Variants in AUH observed in about 807,000 individuals in gnomAD.
AUH encodes the protein methylglutaconyl-CoA hydratase, mitochondrial.
AUH carries 29 observed loss-of-function variants against 42.3 expected under a neutral mutation model. The ratio of observed to expected loss-of-function variants is 0.69; its 90% CI spans 0.51 to 0.93. The LOEUF (loss-of-function observed/expected upper bound fraction) is 0.93. Ranked by LOEUF, AUH falls within the 40% of genes least tolerant of loss-of-function variation. The pLI is 0.00. For synonymous variants in AUH, 174 were observed against 166.4 expected, an observed-to-expected ratio of 1.05 and a Z score of -0.35; for missense variants, 452 against 438.1, an observed-to-expected ratio of 1.03 and a Z score of -0.28.
At chr9:91,337,066 CAT>C (rs1830749677) in intron 3 of AUH, among the ~76,000 whole-genome samples, 1 of 152,158 alleles carries the variant, frequency 6.6e-6, no homozygotes, top group Admixed American at 6.5e-5. Flanking sequence ...ATATAAACAT[CAT>C]ATGAGATCCA....
intron 2 of AUH, 43 bp from the exon 3 acceptor site, chr9:91,356,013 AAAC>A (rs1387813768): frequency 6.2e-7 from 1 of 1,604,678 alleles, no homozygotes; most frequent in Admixed American, 1.7e-5. Context: ...GAGAAAAAAA[AAAC>A]AAAACATTTT....
intron 4 of AUH, among the ~76,000 whole-genome samples, chr9:91,315,311 C>G (rs1829071606): frequency 6.6e-6 from 1 of 152,232 alleles, no homozygotes; most frequent in African/African-American, 2.4e-5. Flanking sequence ...CCATTTGTTA[C>G]ACATGGGTCC....
intron 3 of AUH, among the ~76,000 whole-genome samples, chr9:91,332,947 TC>T (rs113756899): frequency 0.02 from 2,976 of 152,268 alleles, 82 homozygotes; most frequent in African/African-American, 0.06. Context: ...TCTGCGGTTC[TC>T]GCTCTCTTAT....
chr9:91,236,453 G>C (rs1308343114), intron 6 of AUH, among the ~76,000 whole-genome samples: 2 of 152,164 alleles, frequency 1.3e-5, no homozygotes, highest in Non-Finnish European at 2.9e-5. Context: ...AGGTAGCTAA[G>C]GTCATTTGTA....
chr9:91,257,878 C>G lies in AUH; in HGVS notation c.656-36886G>C, dbSNP rs186076376. On this transcript the variant is annotated intron_variant, in intron 6 of 9. Transcript: ENST00000375731. Reference sequence around the variant, plus strand: ...AAAGGACATCTTCAAAATACTTCATCTTCTGATCCACGAACACATTATGTC... The same window carrying G: ...AAAGGACATCTTCAAAATACTTCATGTTCTGATCCACGAACACATTATGTC... Among the ~76,000 whole-genome samples the G allele has an allele frequency of 5.9e-4, 90 of 152,332 alleles. 1 individual carries two copies. Among genetic ancestry groups the G allele is most frequent in the African/African-American group, 2.1e-3 (86 of 41,592 alleles).
intron 4 of AUH, among the ~76,000 whole-genome samples, chr9:91,299,061 T>C (rs1367543795): frequency 1.3e-5 from 2 of 151,984 alleles, no homozygotes; most frequent in East Asian, 1.9e-4. Flanking sequence ...TCTACAAAAA[T>C]ACAAAAATTA....
chr9:91,263,277 A>C (rs1443806704), intron 6 of AUH, among the ~76,000 whole-genome samples: 3 of 152,228 alleles, frequency 2.0e-5, no homozygotes, highest in African/African-American at 4.8e-5. Flanking sequence ...TCAGGGCTGA[A>C]TTTCACACTT....
chr9:91,320,244 G>A (rs375530104), intron 4 of AUH, among the ~76,000 whole-genome samples: 5 of 152,166 alleles, frequency 3.3e-5, no homozygotes, highest in Non-Finnish European at 5.9e-5. Flanking sequence ...GAATCTGTAC[G>A]TATGCATATC....
chr9:91,310,236 G>A (rs1301348734), intron 4 of AUH, among the ~76,000 whole-genome samples: 1 of 152,190 alleles, frequency 6.6e-6, no homozygotes, highest in Non-Finnish European at 1.5e-5. Context: ...AGAGCAGCAG[G>A]AGCTTGGGTA....
chr9:91,220,119 G>GA (rs1827047644), intron 7 of AUH, among the ~76,000 whole-genome samples: 1 of 152,194 alleles, frequency 6.6e-6, no homozygotes, highest in Non-Finnish European at 1.5e-5. Context: ...AGGCATATTT[G>GA]AAAAATATAT....
At chr9:91,218,722 T>C in intron 7 of AUH, 1 of 984,566 alleles carries the variant, frequency 1.0e-6, no homozygotes, top group Non-Finnish European at 1.2e-6. Flanking sequence ...CAAGCCTTTT[T>C]TTCTCAGATA....
rs576540836 is a variant in AUH at position 91,227,993 on chromosome 9, A to G, written c.656-7001T>C. Reference sequence around the variant, plus strand: ...AGGATTTTTGCATCCATGTTCATCAAGGATATTGGTCTAAAATTCTCTTTT... The same window carrying G: ...AGGATTTTTGCATCCATGTTCATCAGGGATATTGGTCTAAAATTCTCTTTT... On this transcript the variant is annotated intron_variant, in intron 6 of 9. Coordinates refer to ENST00000375731, the MANE Select transcript of AUH (RefSeq NM_001698.3). 6.6e-5 allele frequency among the ~76,000 whole-genome samples: 10 copies of G among 152,226 alleles called. No individual in the cohort carries two copies. The East Asian group carries it at 9.7e-4, about 15-fold the overall frequency.
chr9:91,250,920 C>T (rs1399122779), intron 6 of AUH, among the ~76,000 whole-genome samples: 2 of 152,116 alleles, frequency 1.3e-5, no homozygotes, highest in Non-Finnish European at 2.9e-5. Flanking sequence ...ATCAGCACAT[C>T]CCCTGGGTGT....
At chr9:91,264,467 G>A (rs1419204349) in intron 6 of AUH, among the ~76,000 whole-genome samples, 1 of 152,118 alleles carries the variant, frequency 6.6e-6, no homozygotes, top group Non-Finnish European at 1.5e-5. Flanking sequence ...AATTTGGAAT[G>A]GCTGTTTTCT....
intron 3 of AUH, among the ~76,000 whole-genome samples, chr9:91,328,817 A>G (rs375032590): frequency 6.6e-6 from 1 of 152,248 alleles, no homozygotes; most frequent in Admixed American, 6.5e-5. Flanking sequence ...CTTTAAGTAT[A>G]GAATTCAAGG....
chr9:91,300,688 C>T (rs1415709881), intron 4 of AUH, among the ~76,000 whole-genome samples: 1 of 152,210 alleles, frequency 6.6e-6, no homozygotes. Context: ...TAGCATGGCA[C>T]AGGAAGGCAC....
intron 6 of AUH, among the ~76,000 whole-genome samples, chr9:91,293,839 A>G (rs747545611): frequency 1.2e-4 from 18 of 152,252 alleles, no homozygotes; most frequent in Non-Finnish European, 2.6e-4. Context: ...GCTACAGAAG[A>G]GAAGTCAATG....
intron 4 of AUH, among the ~76,000 whole-genome samples, chr9:91,319,603 T>C (rs551341647): frequency 2.6e-5 from 4 of 152,326 alleles, no homozygotes; most frequent in African/African-American, 9.6e-5. Context: ...GCAAGTGCAG[T>C]TGAGCATGAG....
rs538036994 is a variant in AUH, at chr9:91,319,706, A to C, written c.505+5612T>G. 1.6e-4 allele frequency among the ~76,000 whole-genome samples: 24 copies of C among 152,318 alleles called. No individual in the cohort carries two copies. In the East Asian group the frequency reaches 3.9e-3, roughly 25 times the overall value. On this transcript the variant is annotated intron_variant, in intron 4 of 9. Coordinates refer to ENST00000375731, the MANE Select transcript of AUH (RefSeq NM_001698.3). ...AGTAGGCAGGCCTGCAACTTAGTAAACACACTGCACGTGCAGCCCCTCCCA... is the reference window on the plus strand; with the variant it reads ...AGTAGGCAGGCCTGCAACTTAGTAACCACACTGCACGTGCAGCCCCTCCCA...
Sources: gnomAD v4.1 joint callset for allele counts (sites outside exome capture counted in the v4.1 genomes callset) on GRCh38, gnomAD v4.1.1 for gene constraint, MANE v1.5 for transcripts, NCBI Gene and HGNC (gene_info 2026-07-23, HGNC 2026-07-21) for gene names.